Variants in IGF1 observed in about 807,000 individuals in gnomAD.
The protein encoded by IGF1 is insulin-like growth factor 1.
In IGF1, 4 loss-of-function variants were observed where a neutral mutation model predicts 13.8. That is an observed-to-expected ratio of 0.29 (90% CI 0.14 to 0.66). IGF1 has a LOEUF of 0.66. Among genes scored for constraint, IGF1 ranks in the 30% least tolerant of loss-of-function variants. The probability of loss-of-function intolerance (pLI) is 0.78; values close to 1 mark genes in which losing one functional copy is unlikely to be tolerated. For synonymous variants in IGF1, 76 were observed against 72.6 expected, an observed-to-expected ratio of 1.05 and a Z score of -0.23; for missense variants, 124 against 188.5, an observed-to-expected ratio of 0.66 and a Z score of 2.00.
At position 102,417,534 on chromosome 12, in the gene IGF1, G is replaced by T; in HGVS notation, c.402+1975C>A. 2.7e-6 allele frequency: 3 copies of T among 1,120,946 alleles called. No individual in the cohort carries two copies. The South Asian group carries it at 1.1e-4, about 41-fold the overall frequency. 69.4% of individuals were successfully genotyped at this position (1,120,946 alleles called of 1,614,324 possible). ...TATTTAATTGTGTTTTAGAGGCAGAGAATAGTGTGTCTTTTTTTGCCTCTT... is the reference window on the plus strand; with the variant it reads ...TATTTAATTGTGTTTTAGAGGCAGATAATAGTGTGTCTTTTTTTGCCTCTT... On this transcript the variant is annotated intron_variant, in intron 3 of 3. Transcript: ENST00000337514.
rs1028471631 is a variant in IGF1, at chr12:102,437,159, G to A, written c.221-17469C>T. ...GGAAAAATGACCTCATTCACTCATT[G>A]AGAAGTCAACGGGGCATCCCCAGGG... On this transcript the variant is annotated intron_variant, in intron 2 of 3. Transcript: ENST00000337514. Among the ~76,000 whole-genome samples the A allele has an allele frequency of 7.2e-5, 11 of 152,348 alleles. No individual in the cohort carries two copies. In the East Asian group the frequency reaches 1.3e-3, roughly 19 times the overall value.
chr12:102,474,844 T>G (rs957037548), intron 2 of IGF1, among the ~76,000 whole-genome samples: 2 of 152,216 alleles, frequency 1.3e-5, no homozygotes, highest in African/African-American at 4.8e-5. Context: ...GACTTTTGCT[T>G]GTGTGTATTA....
At chr12:102,456,590 T>C (rs1234318036) in intron 2 of IGF1, among the ~76,000 whole-genome samples, 2 of 152,144 alleles carry the variant, frequency 1.3e-5, no homozygotes, top group African/African-American at 4.8e-5. Flanking sequence ...CTGTGGGAGA[T>C]CTTCCCTGAA....
chr12:102,473,036 C>CTCAAT (rs1420189163), intron 2 of IGF1, among the ~76,000 whole-genome samples: 7 of 152,106 alleles, frequency 4.6e-5, no homozygotes, highest in Admixed American at 3.9e-4. Context: ...TTCAACTAGA[C>CTCAAT]TCAATTCAAT....
At chr12:102,466,376 A>T (rs1331305386) in intron 2 of IGF1, among the ~76,000 whole-genome samples, 1 of 152,158 alleles carries the variant, frequency 6.6e-6, no homozygotes, top group African/African-American at 2.4e-5. Context: ...CCCCAGGGGT[A>T]CATTTGGCAA....
chr12:102,472,499 T>G (rs1232351875), intron 2 of IGF1, among the ~76,000 whole-genome samples: 2 of 152,202 alleles, frequency 1.3e-5, no homozygotes, highest in Non-Finnish European at 2.9e-5. Context: ...GATGTTTGAA[T>G]TTCAAACTAA....
At chr12:102,430,562 C>T (rs1490933335) in intron 2 of IGF1, among the ~76,000 whole-genome samples, 1 of 152,140 alleles carries the variant, frequency 6.6e-6, no homozygotes, top group Admixed American at 6.5e-5. Context: ...CTACACACAT[C>T]CTCTTAACTG....
At chr12:102,441,943 C>CTTCTTCTTCTTCTTCTTCTTCTTCTT (rs1565984827) in intron 2 of IGF1, among the ~76,000 whole-genome samples, 1 of 139,046 alleles carries the variant, frequency 7.2e-6, no homozygotes. Flanking sequence ...TCTTCTTCTT[C>CTTCTTCTTCTTCTTCTTCTTCTTCTT]TTCTTCTTCT....
At chr12:102,433,693 A>AC (rs1333242690) in intron 2 of IGF1, among the ~76,000 whole-genome samples, 93 of 152,278 alleles carry the variant, frequency 6.1e-4, no homozygotes, top group African/African-American at 2.2e-3. Context: ...GGGCATTTGG[A>AC]CACTTCACAA....
At chr12:102,412,392 ACACACACACACGCG>A (rs1565964772) in intron 3 of IGF1, among the ~76,000 whole-genome samples, 1 of 151,848 alleles carries the variant, frequency 6.6e-6, no homozygotes, top group Non-Finnish European at 1.5e-5. Flanking sequence ...ACAAAGGTGC[ACACACACACACGCG>A]CACACACACA....
rs541645288 is a variant in IGF1, at chr12:102,457,399, C to T, written c.220+18244G>A. On this transcript the variant is annotated intron_variant, in intron 2 of 3. Coordinates refer to ENST00000337514, the MANE Select transcript of IGF1 (RefSeq NM_000618.5). ...CTCATGACTCCAGGTAGAATTTTGA[C>T]GCATCATTGAACTTGAGTTGGAAAG... 5.1e-4 allele frequency among the ~76,000 whole-genome samples: 78 copies of T among 152,180 alleles called. 1 individual carries two copies. Among genetic ancestry groups the T allele is most frequent in the South Asian group, 1.2e-3 (6 of 4,828 alleles).
At chr12:102,428,606 C>G (rs1357073008) in intron 2 of IGF1, among the ~76,000 whole-genome samples, 1 of 152,136 alleles carries the variant, frequency 6.6e-6, no homozygotes, top group Non-Finnish European at 1.5e-5. Flanking sequence ...TGTGGGCACT[C>G]AGAAATGAGA....
intron 2 of IGF1, among the ~76,000 whole-genome samples, chr12:102,454,371 G>A (rs996217102): frequency 8.5e-5 from 13 of 152,208 alleles, no homozygotes; most frequent in Non-Finnish European, 1.8e-4. Context: ...GGGAATGAGA[G>A]GGTTTTCTCT....
intron 2 of IGF1, among the ~76,000 whole-genome samples, chr12:102,458,261 C>T (rs897094313): frequency 6.6e-6 from 1 of 152,090 alleles, no homozygotes; most frequent in African/African-American, 2.4e-5. Context: ...GGCATTGACT[C>T]AATTCATTAT....
intron 1 of IGF1, among the ~76,000 whole-genome samples, chr12:102,477,274 G>GA (rs539813999): frequency 0.011 from 1,010 of 95,784 alleles, 3 homozygotes; most frequent in South Asian, 0.028. Flanking sequence ...AGCAACTGAG[G>GA]AAAAAAAAAA....
At chr12:102,424,191 A>G (rs901128530) in intron 2 of IGF1, among the ~76,000 whole-genome samples, 1 of 151,920 alleles carries the variant, frequency 6.6e-6, no homozygotes, top group Non-Finnish European at 1.5e-5. Context: ...AAGGAATAAA[A>G]CTATTCTTTA....
chr12:102,415,339 G>T (rs1461691591), intron 3 of IGF1, among the ~76,000 whole-genome samples: 1 of 151,684 alleles, frequency 6.6e-6, no homozygotes, highest in East Asian at 1.9e-4. Flanking sequence ...AGAGGCTTGG[G>T]TATTGATACT....
chr12:102,439,483 G>A (rs1420795650), intron 2 of IGF1, among the ~76,000 whole-genome samples: 2 of 152,172 alleles, frequency 1.3e-5, no homozygotes, highest in Non-Finnish European at 2.9e-5. Flanking sequence ...GGCTCCATCT[G>A]GCAGAGACAA....
chr12:102,478,077 G>T lies in IGF1; in HGVS notation c.63+2242C>A, dbSNP rs115482394. 4.6e-3 allele frequency among the ~76,000 whole-genome samples: 685 copies of T among 147,726 alleles called. 10 individuals carry two copies. The highest frequency in any genetic ancestry group is 0.016 in the African/African-American group (650 of 40,020). ...TCTAGGACAAGACAGAACCTCTAGT[G>T]CATTTTCCTTTAGTGTAGGGAACAG... is the stretch of plus-strand genomic sequence containing the variant. On this transcript the variant is annotated intron_variant, in intron 1 of 3. Coordinates refer to ENST00000337514, the MANE Select transcript of IGF1 (RefSeq NM_000618.5).
Sources: allele counts gnomAD v4.1 joint callset (sites outside exome capture counted in the v4.1 genomes callset), GRCh38; gene constraint gnomAD v4.1.1; transcripts MANE v1.5; gene names NCBI Gene and HGNC (gene_info 2026-07-23, HGNC 2026-07-21).